The following HELQ variants were observed in gnomAD, a reference collection of about 807,000 sequenced individuals.
HELQ encodes helicase POLQ-like.
A neutral mutation model predicts 111.6 loss-of-function variants in HELQ; 77 were observed. The observed-to-expected ratio is 0.69, with a 90% CI of 0.57 to 0.83. HELQ has a LOEUF of 0.83. Ranked by LOEUF, HELQ falls within the 40% of genes least tolerant of loss-of-function variation. The pLI is 0.00. For synonymous variants in HELQ, 438 were observed against 454.7 expected (o/e 0.96, Z 0.47); for missense variants, 1,200 against 1,288.5 (o/e 0.93, Z 1.05).
Position 83,445,932 on chromosome 4 carries a change from C to T in HELQ, c.1465+82G>A. 8.9e-6 allele frequency: 8 copies of T among 894,270 alleles called. No homozygotes were observed. The South Asian group carries it at 1.1e-4, about 13-fold the overall frequency. The allele number at this position is 894,270 out of a possible 1,614,324, so 55.4% of individuals were successfully genotyped here. A position where few individuals can be genotyped will look rare whatever the true frequency, so the allele number is the denominator to read the frequency against. ...TAAGTATCTTGCTTTAGGTTACATA[C>T]TGTAGCTAGTGATAGAATTAAGTAT... On this transcript the variant is annotated intron_variant, in intron 5 of 17. Transcript: ENST00000295488.
At chr4:83,424,863 T>C (rs567322838) in intron 14 of HELQ, among the ~76,000 whole-genome samples, 2 of 152,274 alleles carry the variant, frequency 1.3e-5, no homozygotes, top group African/African-American at 4.8e-5. Context: ...CCCAATATTT[T>C]TGATTTTATG....
intron 2 of HELQ, among the ~76,000 whole-genome samples, chr4:83,449,938 T>A (rs971876337): frequency 1.3e-5 from 2 of 150,386 alleles, no homozygotes; most frequent in African/African-American, 4.9e-5. Context: ...GCCATTTTCA[T>A]GTACGGTTGT....
chr4:83,420,814 T>C (rs558926059), intron 15 of HELQ, among the ~76,000 whole-genome samples: 120 of 152,178 alleles, frequency 7.9e-4, no homozygotes, highest in African/African-American at 2.8e-3. Flanking sequence ...GGCACATGTC[T>C]GTGATCCCAG....
chr4:83,440,034 A>T, intron 7 of HELQ, 26 bp from the exon 8 acceptor site: 2 of 1,589,940 alleles, frequency 1.3e-6, no homozygotes, highest in Non-Finnish European at 1.7e-6. Flanking sequence ...ATGTAGGAAC[A>T]AAGTGGTTAG....
intron 10 of HELQ, 32 bp from the exon 11 acceptor site, chr4:83,431,800 G>A (rs1460382319): frequency 1.1e-6 from 1 of 893,294 alleles, no homozygotes; most frequent in South Asian, 2.7e-5. Flanking sequence ...CATGCCTTGT[G>A]TTATTATTAA....
At chr4:83,445,780 T>A (rs1721015612) in intron 5 of HELQ, among the ~76,000 whole-genome samples, 1 of 152,218 alleles carries the variant, frequency 6.6e-6, no homozygotes, top group Non-Finnish European at 1.5e-5. Flanking sequence ...ACATAGAGGT[T>A]GAGGGATGTG....
chr4:83,445,971 T>C (rs781036051), intron 5 of HELQ, 43 bp downstream of exon 5: 4 of 1,228,040 alleles, frequency 3.3e-6, no homozygotes, highest in Non-Finnish European at 3.6e-6. Context: ...ATAAGTCTCT[T>C]GATTATAAAT....
At chr4:83,442,806 C>A (rs1374400091) in intron 6 of HELQ, among the ~76,000 whole-genome samples, 2 of 152,064 alleles carry the variant, frequency 1.3e-5, no homozygotes, top group Non-Finnish European at 1.5e-5. Flanking sequence ...CATGCCCCGG[C>A]CTCTTAAAGT....
chr4:83,440,296 T>G (rs559630915), intron 7 of HELQ, among the ~76,000 whole-genome samples: 7 of 152,102 alleles, frequency 4.6e-5, no homozygotes, highest in Non-Finnish European at 1.0e-4. Flanking sequence ...ATAGTTAATG[T>G]TATTAATAGC....
chr4:83,440,047 A>C (rs1720685710), intron 7 of HELQ, 39 bp from the exon 8 acceptor site: 2 of 1,543,460 alleles, frequency 1.3e-6, no homozygotes, highest in Non-Finnish European at 1.8e-6. Context: ...GTGGTTAGTA[A>C]ACATGAAACC....
intron 12 of HELQ, among the ~76,000 whole-genome samples, chr4:83,427,942 GAA>G (rs1327672680): frequency 6.6e-6 from 1 of 152,106 alleles, no homozygotes; most frequent in Non-Finnish European, 1.5e-5. Flanking sequence ...CTAATCCAGA[GAA>G]ACATTTCCAT....
At chr4:83,443,449 T>C in intron 6 of HELQ, 68 bp downstream of exon 6, 1 of 711,886 alleles carries the variant, frequency 1.4e-6, no homozygotes, top group Non-Finnish European at 2.4e-6. Context: ...ATCCTATGTT[T>C]ACTACTTTCA....
intron 14 of HELQ, 142 bp from the exon 15 acceptor site, chr4:83,421,878 C>A (rs1645123237): frequency 1.5e-6 from 1 of 648,402 alleles, no homozygotes; most frequent in Non-Finnish European, 2.7e-6. Context: ...TAATTTCTAA[C>A]AGATGTACTT....
chr4:83,408,120 A>G (rs1055239716), intron 17 of HELQ, among the ~76,000 whole-genome samples: 1 of 152,224 alleles, frequency 6.6e-6, no homozygotes, highest in Non-Finnish European at 1.5e-5. Flanking sequence ...ATATAGATCA[A>G]TAAGAATAAT....
chr4:83,451,310 G>A (rs1199931457), intron 2 of HELQ, among the ~76,000 whole-genome samples: 2 of 152,006 alleles, frequency 1.3e-5, no homozygotes, highest in African/African-American at 4.8e-5. Flanking sequence ...ATTTTTAAGT[G>A]ACAATCCCCA....
intron 17 of HELQ, among the ~76,000 whole-genome samples, chr4:83,411,422 C>T (rs1324714938): frequency 6.6e-6 from 1 of 150,626 alleles, no homozygotes; most frequent in Non-Finnish European, 1.5e-5. Context: ...CCAGCCTGGG[C>T]AGCATGGTGA....
At chr4:83,418,712 T>C (rs1447047396) in intron 15 of HELQ, among the ~76,000 whole-genome samples, 4 of 152,248 alleles carry the variant, frequency 2.6e-5, no homozygotes, top group African/African-American at 4.8e-5. Context: ...TATTCTATTA[T>C]AGTAGTTTAT....
chr4:83,451,468 C>T (rs1186897384), intron 2 of HELQ, among the ~76,000 whole-genome samples: 1 of 151,892 alleles, frequency 6.6e-6, no homozygotes, highest in Non-Finnish European at 1.5e-5. Context: ...CGAGACCATC[C>T]TGGCTAACAC....
chr4:83,439,822 TAATAAA>T, intron 8 of HELQ, 35 bp downstream of exon 8: 1 of 1,276,386 alleles, frequency 7.8e-7, no homozygotes, highest in Non-Finnish European at 1.1e-6. Context: ...CTGTAATTCC[TAATAAA>T]AATAAAACAG....
Sources: gnomAD v4.1 joint callset for allele counts (sites outside exome capture counted in the v4.1 genomes callset) on GRCh38, gnomAD v4.1.1 for gene constraint, MANE v1.5 for transcripts, NCBI Gene and HGNC (gene_info 2026-07-23, HGNC 2026-07-21) for gene names.